ANKS1B: variants seen among roughly 807,000 people sequenced by gnomAD.
The protein encoded by ANKS1B is ankyrin repeat and sterile alpha motif domain containing 1B.
ANKS1B carries 36 observed loss-of-function variants against 148.3 expected under a neutral mutation model. The observed-to-expected ratio is 0.24, with a 90% CI of 0.19 to 0.32. The LOEUF is 0.32. ANKS1B is among the 10% of genes least tolerant of loss of function. The pLI is 1.00. For synonymous variants in ANKS1B, 542 were observed against 560.8 expected (o/e 0.97, Z 0.47); for missense variants, 1,157 against 1,542.6 (o/e 0.75, Z 4.19).
intron 8 of ANKS1B, among the ~76,000 whole-genome samples, chr12:99,661,122 G>A (rs1319351342): frequency 6.6e-6 from 1 of 152,040 alleles, no homozygotes; most frequent in Non-Finnish European, 1.5e-5. Flanking sequence ...GGGGTCTGAA[G>A]GAACTCCCCA....
At chr12:99,150,216 G>A (rs894003410) in intron 15 of ANKS1B, among the ~76,000 whole-genome samples, 1 of 152,162 alleles carries the variant, frequency 6.6e-6, no homozygotes, top group Non-Finnish European at 1.5e-5. Context: ...TTTACAGGCT[G>A]ATTTCTACGC....
intron 17 of ANKS1B, among the ~76,000 whole-genome samples, chr12:98,838,385 C>T (rs2099387248): frequency 6.6e-6 from 1 of 152,198 alleles, no homozygotes; most frequent in African/African-American, 2.4e-5. Flanking sequence ...AAATCTCAAT[C>T]CGTTTATTGC....
chr12:99,134,082 G>T (rs1212376613), intron 15 of ANKS1B, among the ~76,000 whole-genome samples: 1 of 152,090 alleles, frequency 6.6e-6, no homozygotes, highest in African/African-American at 2.4e-5. Context: ...GAAATATCTG[G>T]AACTGTGGCT....
chr12:99,783,908 T>A (rs1294928938), intron 4 of ANKS1B, among the ~76,000 whole-genome samples: 1 of 152,112 alleles, frequency 6.6e-6, no homozygotes, highest in African/African-American at 2.4e-5. Flanking sequence ...AAATGGCAAA[T>A]GTTTAAGGTG....
intron 12 of ANKS1B, among the ~76,000 whole-genome samples, chr12:99,251,304 G>GTAA (rs2074556426): frequency 6.6e-6 from 1 of 152,052 alleles, no homozygotes. Context: ...AAGAAATACA[G>GTAA]TAATAACTGT....
At chr12:99,014,153 T>G (rs1340946874) in intron 17 of ANKS1B, among the ~76,000 whole-genome samples, 1 of 152,128 alleles carries the variant, frequency 6.6e-6, no homozygotes, top group African/African-American at 2.4e-5. Flanking sequence ...CAAAACAGCA[T>G]GGTAGTGACA....
At position 99,771,853 on chromosome 12, in the gene ANKS1B, G is replaced by C. The variant is rs190942949; in HGVS notation, c.1128+1069C>G. ...TTAGCAAGTGCTATCCCAGGAAACA[G>C]TGTCACAGCTTACTTTAAGTAACTA... On this transcript the variant is annotated intron_variant, in intron 8 of 26. Coordinates refer to ENST00000683438, the MANE Select transcript of ANKS1B (RefSeq NM_001352186.2). Among the ~76,000 whole-genome samples the C allele has an allele frequency of 2.2e-4, 34 of 152,186 alleles. No individual in the cohort carries two copies. In the East Asian group the frequency reaches 6.2e-3, roughly 28 times the overall value.
intron 8 of ANKS1B, among the ~76,000 whole-genome samples, chr12:99,749,088 T>C (rs1218097124): frequency 6.6e-6 from 1 of 152,146 alleles, no homozygotes; most frequent in Non-Finnish European, 1.5e-5. Flanking sequence ...GGCTGCTGGC[T>C]ATAGCTTGAA....
At chr12:99,098,450 C>CACTTTAAT (rs2056912756) in intron 15 of ANKS1B, among the ~76,000 whole-genome samples, 1 of 152,094 alleles carries the variant, frequency 6.6e-6, no homozygotes, top group Non-Finnish European at 1.5e-5. Flanking sequence ...TACAGCTCTG[C>CACTTTAAT]ACTTTAATAG....
In ANKS1B at chr12:99,852,403, G is replaced by A. The variant is rs562010682; in HGVS notation, c.135-27014C>T. On this transcript the variant is annotated intron_variant, in intron 1 of 26. Transcript: ENST00000683438. Reference sequence around the variant, plus strand: ...CAGATACTATGTTAGAAGCTTTAGGGCTATAAATATGCATTCACTTAAGAA... The same window carrying A: ...CAGATACTATGTTAGAAGCTTTAGGACTATAAATATGCATTCACTTAAGAA... 2.0e-5 allele frequency among the ~76,000 whole-genome samples: 3 copies of A among 152,136 alleles called. No individual in the cohort carries two copies. In the South Asian group the frequency reaches 6.2e-4, roughly 32 times the overall value.
intron 8 of ANKS1B, among the ~76,000 whole-genome samples, chr12:99,706,206 C>A (rs2055742715): frequency 6.6e-6 from 1 of 151,660 alleles, no homozygotes; most frequent in South Asian, 2.1e-4. Context: ...TAGATAATGT[C>A]TAAAACTGAA....
At chr12:98,862,097 T>C (rs1217718916) in intron 17 of ANKS1B, among the ~76,000 whole-genome samples, 1 of 152,198 alleles carries the variant, frequency 6.6e-6, no homozygotes, top group Non-Finnish European at 1.5e-5. Context: ...AGTGTTTGGG[T>C]CAGTTTGCTT....
At chr12:99,110,247 A>C (rs997081920) in intron 15 of ANKS1B, among the ~76,000 whole-genome samples, 3 of 152,190 alleles carry the variant, frequency 2.0e-5, no homozygotes, top group African/African-American at 7.2e-5. Context: ...TAACTTCAGG[A>C]GTACTGGTCA....
At chr12:98,862,196 A>C (rs1244380098) in intron 17 of ANKS1B, among the ~76,000 whole-genome samples, 1 of 152,176 alleles carries the variant, frequency 6.6e-6, no homozygotes. Flanking sequence ...TTAAAATAAA[A>C]CTAATGACTT....
At chr12:99,449,364 ATAAC>A (rs1450474956) in intron 10 of ANKS1B, among the ~76,000 whole-genome samples, 1 of 152,144 alleles carries the variant, frequency 6.6e-6, no homozygotes, top group African/African-American at 2.4e-5. Context: ...ACATTTAAAT[ATAAC>A]TAACTCTTAG....
chr12:98,975,497 G>A (rs138726040), intron 17 of ANKS1B, among the ~76,000 whole-genome samples: 3,459 of 152,030 alleles, frequency 0.023, 124 homozygotes, highest in South Asian at 0.16. Flanking sequence ...GCCAAGACCC[G>A]GTATAAGGGT....
intron 1 of ANKS1B, among the ~76,000 whole-genome samples, chr12:99,909,048 ACT>A (rs754167213): frequency 4.1e-4 from 60 of 147,258 alleles, no homozygotes; most frequent in Non-Finnish European, 7.5e-4. Flanking sequence ...CCACCATTCT[ACT>A]CTGTGTCTAT....
intron 1 of ANKS1B, among the ~76,000 whole-genome samples, chr12:99,971,175 A>C (rs2095553526): frequency 6.6e-6 from 1 of 152,216 alleles, no homozygotes; most frequent in Non-Finnish European, 1.5e-5. Context: ...CATAAAACAA[A>C]CCCATGAAAA....
intron 9 of ANKS1B, among the ~76,000 whole-genome samples, chr12:99,613,550 CA>C (rs2097919820): frequency 6.6e-6 from 1 of 152,036 alleles, no homozygotes; most frequent in African/African-American, 2.4e-5. Flanking sequence ...ATGTCCTTTT[CA>C]GGGACATGGA....
Sources: allele counts gnomAD v4.1 joint callset (sites outside exome capture counted in the v4.1 genomes callset), GRCh38; gene constraint gnomAD v4.1.1; transcripts MANE v1.5; gene names NCBI Gene and HGNC (gene_info 2026-07-23, HGNC 2026-07-21).